BMP5: variants seen among roughly 807,000 people sequenced by gnomAD.
BMP5 encodes the protein bone morphogenetic protein 5.
BMP5 carries 23 observed loss-of-function variants against 46.6 expected under a neutral mutation model. The ratio of observed to expected loss-of-function variants is 0.49; its 90% CI spans 0.35 to 0.70. BMP5 has a LOEUF of 0.70. Ranked by LOEUF, BMP5 falls within the 30% of genes least tolerant of loss-of-function variation. The probability of loss-of-function intolerance (pLI) is 0.00; values close to 1 mark genes in which losing one functional copy is unlikely to be tolerated. For synonymous variants in BMP5, 204 were observed against 191.9 expected (o/e 1.06, Z -0.52); for missense variants, 545 against 565.6 (o/e 0.96, Z 0.37).
At chr6:55,760,887 A>C (rs1333583715) in intron 4 of BMP5, among the ~76,000 whole-genome samples, 1 of 144,426 alleles carries the variant, frequency 6.9e-6, no homozygotes. Context: ...GGGGTACTTA[A>C]TATATTGAGA....
intron 3 of BMP5, among the ~76,000 whole-genome samples, chr6:55,778,023 A>C (rs1306348970): frequency 6.6e-6 from 1 of 152,064 alleles, no homozygotes; most frequent in Non-Finnish European, 1.5e-5. Flanking sequence ...AGTCATCAGC[A>C]TTGACTTCAA....
At chr6:55,759,251 A>G in intron 5 of BMP5, 136 bp from the exon 6 acceptor site, 2 of 608,492 alleles carry the variant, frequency 3.3e-6, no homozygotes. Context: ...AATATATTGT[A>G]TCTGAATAGG....
At chr6:55,811,171 C>T (rs926738206) in intron 2 of BMP5, among the ~76,000 whole-genome samples, 3 of 152,024 alleles carry the variant, frequency 2.0e-5, no homozygotes, top group East Asian at 1.9e-4. Flanking sequence ...GAAGTATGTC[C>T]GCAGAAGAAT....
intron 1 of BMP5, among the ~76,000 whole-genome samples, chr6:55,852,507 G>GT (rs1424798794): frequency 2.0e-5 from 3 of 151,748 alleles, no homozygotes; most frequent in Admixed American, 1.3e-4. Flanking sequence ...TTATTTTGGT[G>GT]TTTTTTTCTA....
chr6:55,818,971 C>CAGACAGACAGACAGAT (rs1180896828), intron 2 of BMP5, among the ~76,000 whole-genome samples: 1 of 150,674 alleles, frequency 6.6e-6, no homozygotes, highest in East Asian at 2.0e-4. Context: ...GACAGACAGA[C>CAGACAGACAGACAGAT]AGATAGATAG....
rs538635494 is a variant in BMP5, at chr6:55,774,241, G to A, written c.835C>T (p.Arg279Cys). 81 of 1,612,224 alleles carry A rather than the reference G, an allele frequency of 5.0e-5. No individual in the cohort carries two copies. The highest frequency in any genetic ancestry group is 8.4e-5 in the Admixed American group (5 of 59,842). Residue 279 changes from arginine (R) to cysteine (C), a missense_variant and splice_region_variant, in exon 4 of 7, where the codon CGC becomes TGC. Physicochemically the swap from Arg to Cys is radical, Grantham distance 180 (BLOSUM62 -3). Transcript: ENST00000370830. ...CCAGCAGATTTTACGTTGATACTGC[G>A]TCCTAGAACGTAATACAAAAGCACT... is the stretch of plus-strand genomic sequence containing the variant. ...LQLCAETGDG[R>C]SINVKSAGLV... is the part of the protein sequence containing the mutation.
chr6:55,782,731 G>A (rs1472366080), intron 3 of BMP5, among the ~76,000 whole-genome samples: 2 of 152,062 alleles, frequency 1.3e-5, no homozygotes, highest in South Asian at 2.1e-4. Flanking sequence ...AGGGACATTG[G>A]GAATTGAAAA....
chr6:55,771,127 TC>T (rs1775037885), intron 4 of BMP5, among the ~76,000 whole-genome samples: 1 of 151,846 alleles, frequency 6.6e-6, no homozygotes, highest in Admixed American at 6.6e-5. Flanking sequence ...AAACACATTA[TC>T]TTTGAAACAC....
At chr6:55,842,035 G>A (rs555944784) in intron 1 of BMP5, among the ~76,000 whole-genome samples, 8 of 152,020 alleles carry the variant, frequency 5.3e-5, no homozygotes, top group South Asian at 2.1e-4. Flanking sequence ...TCTATTAACC[G>A]CTATTGATCG....
chr6:55,768,671 G>C (rs1774975138), intron 4 of BMP5, among the ~76,000 whole-genome samples: 1 of 151,906 alleles, frequency 6.6e-6, no homozygotes, highest in African/African-American at 2.4e-5. Flanking sequence ...TACATGATTG[G>C]ATTATTTTTC....
intron 4 of BMP5, among the ~76,000 whole-genome samples, chr6:55,772,440 C>A (rs928908362): frequency 2.0e-5 from 3 of 151,794 alleles, no homozygotes; most frequent in African/African-American, 7.3e-5. Flanking sequence ...ATTTACTATT[C>A]TATTCAAGGT....
chr6:55,761,428 T>A (rs1774774032), intron 4 of BMP5, among the ~76,000 whole-genome samples: 1 of 152,032 alleles, frequency 6.6e-6, no homozygotes, highest in South Asian at 2.1e-4. Context: ...ATTCTCAGAG[T>A]GGTTACAAGG....
chr6:55,807,849 A>T (rs1776027912), intron 2 of BMP5, among the ~76,000 whole-genome samples: 1 of 152,152 alleles, frequency 6.6e-6, no homozygotes, highest in African/African-American at 2.4e-5. Flanking sequence ...ATTTGAATAG[A>T]GGTGTTTATA....
intron 4 of BMP5, among the ~76,000 whole-genome samples, chr6:55,765,350 A>G (rs1279892945): frequency 6.6e-6 from 1 of 152,194 alleles, no homozygotes; most frequent in East Asian, 1.9e-4. Context: ...AACAGCTTCA[A>G]TGAGCTAAAT....
At chr6:55,780,230 A>G (rs1322698985) in intron 3 of BMP5, among the ~76,000 whole-genome samples, 3 of 151,324 alleles carry the variant, frequency 2.0e-5, no homozygotes, top group Non-Finnish European at 4.4e-5. Context: ...GAAAAAAAAG[A>G]CGGACTGGAA....
At chr6:55,831,995 C>T (rs1776675189) in intron 1 of BMP5, among the ~76,000 whole-genome samples, 1 of 152,038 alleles carries the variant, frequency 6.6e-6, no homozygotes, top group Admixed American at 6.6e-5. Context: ...TTCAGGACAA[C>T]GGCTGTGCTC....
At chr6:55,847,905 T>C (rs1777137459) in intron 1 of BMP5, among the ~76,000 whole-genome samples, 1 of 152,002 alleles carries the variant, frequency 6.6e-6, no homozygotes, top group African/African-American at 2.4e-5. Flanking sequence ...CTTTTTCATA[T>C]AGATCACCAA....
chr6:55,755,822 T>C (rs1444499996), intron 6 of BMP5, 140 bp from the exon 7 acceptor site: 1 of 820,238 alleles, frequency 1.2e-6, no homozygotes, highest in African/African-American at 1.7e-5. Context: ...ATTCCATGAC[T>C]GGGGTGGGGG....
chr6:55,866,931 A>G (rs780017186), intron 1 of BMP5, among the ~76,000 whole-genome samples: 2 of 152,212 alleles, frequency 1.3e-5, no homozygotes, highest in African/African-American at 2.4e-5. Flanking sequence ...TAAATAATAC[A>G]AAGATTAACA....
Sources: gnomAD v4.1 joint callset for allele counts (sites outside exome capture counted in the v4.1 genomes callset) on GRCh38, gnomAD v4.1.1 for gene constraint, MANE v1.5 for transcripts, NCBI Gene and HGNC (gene_info 2026-07-23, HGNC 2026-07-21) for gene names.